Variants in DPP10 observed in about 807,000 individuals in gnomAD.
DPP10 encodes inactive dipeptidyl peptidase 10.
A neutral mutation model predicts 120.9 loss-of-function variants in DPP10; 33 were observed. The observed-to-expected ratio is 0.27, with a 90% CI of 0.21 to 0.37. The LOEUF (loss-of-function observed/expected upper bound fraction) is 0.37, where lower values mean the gene tolerates loss of function less well. Ranked by LOEUF, DPP10 falls within the 10% of genes least tolerant of loss-of-function variation. DPP10 has a pLI of 1.00. For synonymous variants in DPP10, 337 were observed against 326.1 expected (o/e 1.03, Z -0.36); for missense variants, 816 against 942.8 (o/e 0.87, Z 1.76).
intron 3 of DPP10, among the ~76,000 whole-genome samples, chr2:115,411,861 T>C (rs1279469708): frequency 1.3e-5 from 2 of 152,186 alleles, no homozygotes; most frequent in Non-Finnish European, 2.9e-5. Context: ...GTATGCTGTG[T>C]GGGGGTGGAT....
At chr2:115,725,681 T>C (rs959023375) in intron 7 of DPP10, among the ~76,000 whole-genome samples, 4 of 152,178 alleles carry the variant, frequency 2.6e-5, no homozygotes, top group African/African-American at 9.7e-5. Flanking sequence ...CCATATTACT[T>C]TGGGTGAGGT....
rs34716174 is a variant in DPP10 at position 114,643,936 on chromosome 2, T to TATA, written c.60+201098_60+201099insATA. ...ATGTGTGTGTATATATATATATATATTTTTTTTTTTTTTTTTGAGACAGAG... is the reference window on the plus strand; with the variant it reads ...ATGTGTGTGTATATATATATATATATATATTTTTTTTTTTTTTTTGAGACAGAG... On this transcript the variant is annotated intron_variant, in intron 1 of 25. Coordinates refer to ENST00000410059, the MANE Select transcript of DPP10 (RefSeq NM_020868.6). Among the ~76,000 whole-genome samples the TATA allele has an allele frequency of 8.3e-4, 93 of 112,038 alleles. 1 individual carries two copies. Among genetic ancestry groups the TATA allele is most frequent in the African/African-American group, 3.7e-3 (86 of 23,008 alleles). The allele number at this position is 112,038 out of a possible 152,430, so 73.5% of individuals were successfully genotyped here. A position where few individuals can be genotyped will look rare whatever the true frequency, so the allele number is the denominator to read the frequency against.
rs143120749 is a variant in DPP10 at position 114,861,082 on chromosome 2, C to T, written c.60+418244C>T. Among the ~76,000 whole-genome samples, 307 of 152,280 alleles carry T rather than the reference C, an allele frequency of 2.0e-3. 6 individuals carry two copies. The East Asian group carries it at 0.047, about 24-fold the overall frequency. On this transcript the variant is annotated intron_variant, in intron 1 of 25. Transcript: ENST00000410059. ...ACATAAACCCTCTTTCTTATGAATA[C>T]GCTATTTGTGTGTAGATACTGTATT...
chr2:115,674,104 A>G (rs1417735315), intron 5 of DPP10, among the ~76,000 whole-genome samples: 1 of 152,160 alleles, frequency 6.6e-6, no homozygotes, highest in African/African-American at 2.4e-5. Context: ...GCTTGCCTGT[A>G]ATCCCAGCTA....
At chr2:114,985,027 A>G (rs559045055) in intron 1 of DPP10, among the ~76,000 whole-genome samples, 1 of 152,332 alleles carries the variant, frequency 6.6e-6, no homozygotes, top group East Asian at 1.9e-4. Context: ...AATAAGAAAG[A>G]TTGATATATT....
At chr2:114,663,423 A>C (rs1044106608) in intron 1 of DPP10, among the ~76,000 whole-genome samples, 1 of 150,396 alleles carries the variant, frequency 6.6e-6, no homozygotes, top group Admixed American at 6.7e-5. Flanking sequence ...CTCATATTTT[A>C]GTTGTCAATG....
At chr2:115,270,362 G>A (rs1441195213) in intron 1 of DPP10, among the ~76,000 whole-genome samples, 2 of 152,040 alleles carry the variant, frequency 1.3e-5, no homozygotes, top group Admixed American at 6.6e-5. Flanking sequence ...CAAGGTTGCA[G>A]GGGCAATGTG....
rs1678005006 is a variant in DPP10, at chr2:114,447,376, T to TGTAA, written c.60+4541_60+4544dup. Among the ~76,000 whole-genome samples, 7 of 152,168 alleles carry TGTAA rather than the reference T, an allele frequency of 4.6e-5. 1 individual carries two copies. Among genetic ancestry groups the TGTAA allele is most frequent in the Admixed American group, 4.6e-4 (7 of 15,276 alleles). ...TTTCACATAGTACTTGAACTTGAAT[T>TGTAA]GTAAGTTATTCTTAAAGGGTATTTC... On this transcript the variant is annotated intron_variant, in intron 1 of 25. Transcript: ENST00000410059.
At chr2:114,620,268 G>A (rs543664507) in intron 1 of DPP10, among the ~76,000 whole-genome samples, 29 of 152,012 alleles carry the variant, frequency 1.9e-4, no homozygotes, top group African/African-American at 6.7e-4. Context: ...AACACAAGTG[G>A]GTTTTTGGCA....
intron 5 of DPP10, among the ~76,000 whole-genome samples, chr2:115,531,679 T>C (rs2078474446): frequency 6.6e-6 from 1 of 152,108 alleles, no homozygotes; most frequent in Non-Finnish European, 1.5e-5. Context: ...TATTGAAATA[T>C]AACATACCTA....
intron 1 of DPP10, among the ~76,000 whole-genome samples, chr2:114,947,455 C>T (rs1017174810): frequency 9.9e-5 from 15 of 151,044 alleles, no homozygotes; most frequent in South Asian, 4.2e-4. Flanking sequence ...AGTTTCAGGT[C>T]GGTCATAATT....
intron 2 of DPP10, among the ~76,000 whole-genome samples, chr2:115,329,394 T>C (rs2062567459): frequency 6.6e-6 from 1 of 152,100 alleles, no homozygotes; most frequent in Admixed American, 6.6e-5. Flanking sequence ...ATTATTAGGC[T>C]TTGTAAGATA....
intron 1 of DPP10, among the ~76,000 whole-genome samples, chr2:115,268,887 C>T (rs58421461): frequency 0.038 from 5,522 of 145,640 alleles, 211 homozygotes; most frequent in East Asian, 0.21. Context: ...CAGTGGCTCA[C>T]GCCTGTAATC....
At chr2:115,033,845 C>T (rs1438833015) in intron 1 of DPP10, among the ~76,000 whole-genome samples, 7 of 150,056 alleles carry the variant, frequency 4.7e-5, no homozygotes. Flanking sequence ...AGACTACATG[C>T]GTGAGCCACT....
chr2:114,537,344 T>C (rs1686588100), intron 1 of DPP10, among the ~76,000 whole-genome samples: 1 of 152,042 alleles, frequency 6.6e-6, no homozygotes, highest in South Asian at 2.1e-4. Context: ...AGTTAGGATC[T>C]CTCGGAAGGA....
chr2:114,582,614 G>T (rs1690627197), intron 1 of DPP10, among the ~76,000 whole-genome samples: 1 of 152,310 alleles, frequency 6.6e-6, no homozygotes, highest in South Asian at 2.1e-4. Context: ...TGTTGTCAGT[G>T]ATCTGGATTT....
intron 1 of DPP10, among the ~76,000 whole-genome samples, chr2:114,889,679 G>GA (rs76265164): frequency 0.053 from 8,067 of 151,394 alleles, 528 homozygotes; most frequent in East Asian, 0.33. Flanking sequence ...TGCTGTATCA[G>GA]AAAAAAAATG....
At chr2:115,535,506 G>A (rs1031340266) in intron 5 of DPP10, among the ~76,000 whole-genome samples, 4 of 151,438 alleles carry the variant, frequency 2.6e-5, no homozygotes, top group African/African-American at 9.7e-5. Flanking sequence ...TGCTGTTTTG[G>A]TTACTGTAGC....
intron 3 of DPP10, among the ~76,000 whole-genome samples, chr2:115,379,165 G>A (rs1376437756): frequency 6.6e-6 from 1 of 152,164 alleles, no homozygotes; most frequent in Admixed American, 6.5e-5. Context: ...GAATTCAGCT[G>A]TGAATCCATC....
Sources: allele counts gnomAD v4.1 joint callset (sites outside exome capture counted in the v4.1 genomes callset), GRCh38; gene constraint gnomAD v4.1.1; transcripts MANE v1.5; gene names NCBI Gene and HGNC (gene_info 2026-07-23, HGNC 2026-07-21).